HMCN2: variants seen among roughly 807,000 people sequenced by gnomAD.
The protein encoded by HMCN2 is hemicentin-2.
A neutral mutation model predicts 377.5 loss-of-function variants in HMCN2; 325 were observed. The observed-to-expected ratio is 0.86, with a 90% CI of 0.79 to 0.94. HMCN2 has a LOEUF of 0.94. Among genes scored for constraint, HMCN2 ranks in the 40% least tolerant of loss-of-function variants. The pLI is 0.00. For missense variants in HMCN2, 4,543 were observed against 4,725.3 expected (o/e 0.96, Z 1.13); for synonymous variants, 2,007 against 2,046.8 (o/e 0.98, Z 0.53).
intron 85 of HMCN2, among the ~76,000 whole-genome samples, chr9:130,415,933 C>A (rs1158687082): frequency 2.0e-5 from 3 of 152,066 alleles, no homozygotes; most frequent in African/African-American, 4.8e-5. Flanking sequence ...ATACTTTCAT[C>A]CTCTACTGCA....
intron 22 of HMCN2, among the ~76,000 whole-genome samples, chr9:130,334,544 T>C (rs974060742): frequency 7.5e-6 from 1 of 133,252 alleles, no homozygotes; most frequent in East Asian, 2.1e-4. Context: ...TTAACACTTT[T>C]GGAAGTTTTT....
Position 130,354,879 on chromosome 9 carries a change from C to T in HMCN2, c.4981C>T (p.His1661Tyr). Reference protein sequence around the residue: ...RGHPSPTLSWHHEGLPVAESN... With the variant: ...RGHPSPTLSWYHEGLPVAESN... Reference sequence around the variant, plus strand: ...CCACCCGTCCCCCACCCTCTCCTGGCACCACGAGGGGCTGCCCGTGGCAGA... The same window carrying T: ...CCACCCGTCCCCCACCCTCTCCTGGTACCACGAGGGGCTGCCCGTGGCAGA... The change falls in exon 32 of 98, where the codon CAC (histidine) becomes TAC (tyrosine). Residue 1661 changes from histidine (H) to tyrosine (Y), a missense_variant. Around this residue, in one of 5 missense-constraint regions of HMCN2, gnomAD observed 1,032 missense variants for 1,285.1 expected, o/e 0.80. Coordinates refer to ENST00000683500, the MANE Select transcript of HMCN2 (RefSeq NM_001291815.2). 2 of 1,304,312 alleles carry T rather than the reference C, an allele frequency of 1.5e-6. No individual in the cohort carries two copies. Among genetic ancestry groups the T allele is most frequent in the African/African-American group, 3.0e-5 (2 of 66,010 alleles). 80.8% of individuals were successfully genotyped at this position (1,304,312 alleles called of 1,614,324 possible). A position where few individuals can be genotyped will look rare whatever the true frequency, so the allele number is the denominator to read the frequency against.
At chr9:130,389,562 G>C (rs1201199442) in intron 62 of HMCN2, among the ~76,000 whole-genome samples, 1 of 149,970 alleles carries the variant, frequency 6.7e-6, no homozygotes, top group African/African-American at 2.5e-5. Context: ...GTTGTAGCAT[G>C]GATCAGTACT....
At chr9:130,357,751 C>G in intron 34 of HMCN2, 83 bp from the exon 35 acceptor site, 1 of 1,099,744 alleles carries the variant, frequency 9.1e-7, no homozygotes. Context: ...CTTCTCACCC[C>G]CAGGCATCGA....
Position 130,424,860 on chromosome 9 carries a change from ACT to A in HMCN2, c.13471_13472del (p.Leu4491AspfsTer50), listed in dbSNP as rs760963111. On this transcript the variant is annotated frameshift_variant, in exon 88 of 98. Coordinates refer to ENST00000683500, the MANE Select transcript of HMCN2 (RefSeq NM_001291815.2). LOFTEE classifies it high-confidence loss of function. ...GAGAGTGGGGAAGCCCTGAATGGCC[ACT>A]CTCTGACTGGGGGCAGGTTCCGGCA... The A allele has an allele frequency of 8.1e-4, 1,190 of 1,472,280 alleles. 3 individuals carry two copies. The Middle Eastern group carries it at 0.013, about 16-fold the overall frequency. The allele number at this position is 1,472,280 out of a possible 1,614,324, so 91.2% of individuals were successfully genotyped here. A position where few individuals can be genotyped will look rare whatever the true frequency, so the allele number is the denominator to read the frequency against.
rs1348774561 is a variant in HMCN2 at position 130,430,294 on chromosome 9, G to C, written c.14337G>C (p.Glu4779Asp). The change falls in exon 95 of 98, where the codon GAG becomes GAC. Residue 4779 changes from glutamate (E) to aspartate (D), a missense_variant. Physicochemically the swap from Glu to Asp is conservative, Grantham distance 45. Around this residue, in one of 5 missense-constraint regions of HMCN2, gnomAD observed 1,155 missense variants for 1,157.7 expected, o/e 1.00. Coordinates refer to ENST00000683500, the MANE Select transcript of HMCN2 (RefSeq NM_001291815.2). ...GPSLPCLDVN[E>D]CLQLPKACAY... ...CCCACCCGTCTGCAGATGTCAATGA[G>C]TGCCTGCAGCTGCCCAAGGCCTGCG... is the stretch of plus-strand genomic sequence containing the variant. The C allele has an allele frequency of 1.9e-6, 3 of 1,539,128 alleles. No homozygotes were observed. The highest frequency in any genetic ancestry group is 2.6e-6 in the Non-Finnish European group (3 of 1,145,822).
At chr9:130,296,345 G>C (rs1836149848) in intron 6 of HMCN2, among the ~76,000 whole-genome samples, 1 of 152,226 alleles carries the variant, frequency 6.6e-6, no homozygotes, top group South Asian at 2.1e-4. Flanking sequence ...GCACCTCTGA[G>C]CCAAGAGCTG....
chr9:130,300,724 A>G (rs1459301524), intron 8 of HMCN2, among the ~76,000 whole-genome samples: 2 of 152,196 alleles, frequency 1.3e-5, no homozygotes, highest in African/African-American at 4.8e-5. Flanking sequence ...TTGTCCTCCA[A>G]TCTTTGGCCA....
intron 85 of HMCN2, among the ~76,000 whole-genome samples, chr9:130,415,696 C>T (rs952917326): frequency 1.3e-5 from 2 of 152,208 alleles, no homozygotes; most frequent in African/African-American, 4.8e-5. Flanking sequence ...GTCCTTTGTA[C>T]CCCTCAGGTC....
intron 61 of HMCN2, among the ~76,000 whole-genome samples, chr9:130,386,994 C>T (rs377330140): frequency 6.4e-4 from 97 of 152,326 alleles, no homozygotes; most frequent in African/African-American, 2.1e-3. Context: ...CCATGGACCG[C>T]CATGACAGTG....
chr9:130,413,739 G>A (rs11244242), intron 85 of HMCN2, among the ~76,000 whole-genome samples: 55,032 of 151,622 alleles, frequency 0.36, 10,392 homozygotes, highest in Middle Eastern at 0.49. Context: ...GCATGTGCAC[G>A]TGCGCACACA....
At chr9:130,385,151 C>A (rs920319150) in intron 59 of HMCN2, among the ~76,000 whole-genome samples, 1 of 152,136 alleles carries the variant, frequency 6.6e-6, no homozygotes, top group Admixed American at 6.5e-5. Flanking sequence ...TTCACTTGCA[C>A]GAACACCAGC....
At chr9:130,312,640 TCCTC>T (rs1219017751) in intron 15 of HMCN2, among the ~76,000 whole-genome samples, 1 of 111,616 alleles carries the variant, frequency 9.0e-6, no homozygotes. Context: ...TTCTTTCCCT[TCCTC>T]CCTCCCTCCC....
At chr9:130,350,323 G>A (rs1268331254) in intron 29 of HMCN2, among the ~76,000 whole-genome samples, 1 of 144,284 alleles carries the variant, frequency 6.9e-6, no homozygotes, top group Non-Finnish European at 1.5e-5. Flanking sequence ...GATCACCTGA[G>A]GTCAGGAGCT....
At chr9:130,424,165 A>AT (rs1844181592) in intron 87 of HMCN2, among the ~76,000 whole-genome samples, 1 of 131,368 alleles carries the variant, frequency 7.6e-6, no homozygotes, top group African/African-American at 3.4e-5. Flanking sequence ...ATATATATAT[A>AT]TATATTTTTT....
intron 22 of HMCN2, among the ~76,000 whole-genome samples, chr9:130,333,203 C>T (rs1189431804): frequency 6.6e-6 from 1 of 152,334 alleles, no homozygotes; most frequent in Admixed American, 6.5e-5. Context: ...TGGCTCCTTC[C>T]CTCACGGAGC....
intron 4 of HMCN2, among the ~76,000 whole-genome samples, chr9:130,289,535 G>T (rs564381980): frequency 2.4e-4 from 37 of 152,266 alleles, no homozygotes; most frequent in African/African-American, 8.7e-4. Context: ...TGCCAGCACA[G>T]TCCTCAACCT....
At chr9:130,305,226 T>C (rs1836786942) in intron 11 of HMCN2, among the ~76,000 whole-genome samples, 1 of 152,158 alleles carries the variant, frequency 6.6e-6, no homozygotes, top group South Asian at 2.1e-4. Flanking sequence ...TAACTTAAAT[T>C]TCTACTGCTG....
chr9:130,422,581 GC>G lies in HMCN2; in HGVS notation c.13240del (p.Gln4414ArgfsTer7), dbSNP rs1366344572. ...CATTCTTTCCCTTCCTTACAGGGGA[GC>G]CCCAGGGGAGCTGGGGCAGCATGAC... ...ARAFLVVRGEPQGSWGSMTGV... is the reference protein window; with the variant it reads ...ARAFLVVRGEXQGSWGSMTGV... On this transcript the variant is annotated frameshift_variant, in exon 87 of 98. Coordinates refer to ENST00000683500, the MANE Select transcript of HMCN2 (RefSeq NM_001291815.2). LOFTEE classifies it high-confidence loss of function. This position sits in a 1 kb window ranked among gnomAD's most constrained non-coding sequence, Gnocchi z 4.2. 3 of 1,314,822 alleles carry G rather than the reference GC, an allele frequency of 2.3e-6. No homozygotes were observed. Among genetic ancestry groups the G allele is most frequent in the Non-Finnish European group, 2.0e-6 (2 of 1,025,360 alleles). 81.4% of individuals were successfully genotyped at this position (1,314,822 alleles called of 1,614,324 possible).
Sources: allele counts gnomAD v4.1 joint callset (sites outside exome capture counted in the v4.1 genomes callset), GRCh38; gene constraint gnomAD v4.1.1; regional missense constraint gnomAD v4.1.1; non-coding constraint Gnocchi (gnomAD v3.1); transcripts MANE v1.5; gene names NCBI Gene and HGNC (gene_info 2026-07-23, HGNC 2026-07-21).